Variants in NUBPL observed in about 807,000 individuals in gnomAD.
The protein encoded by NUBPL is NUBP iron-sulfur cluster assembly factor, mitochondrial.
In NUBPL, 31 loss-of-function variants were observed where a neutral mutation model predicts 45.7. The ratio of observed to expected loss-of-function variants is 0.68; its 90% confidence interval spans 0.51 to 0.92. The LOEUF is 0.92. Among genes scored for constraint, NUBPL ranks in the 40% least tolerant of loss-of-function variants. NUBPL has a pLI of 0.00. For missense variants in NUBPL, 401 were observed against 398.7 expected (o/e 1.01, Z -0.05); for synonymous variants, 144 against 140.9 (o/e 1.02, Z -0.15).
intron 6 of NUBPL, among the ~76,000 whole-genome samples, chr14:31,765,158 C>T (rs1217819017): frequency 6.6e-6 from 1 of 152,210 alleles, no homozygotes; most frequent in Non-Finnish European, 1.5e-5. Flanking sequence ...GGTCTGACTT[C>T]TGCTTACTTC....
intron 8 of NUBPL, among the ~76,000 whole-genome samples, chr14:31,831,695 C>T (rs1484915904): frequency 6.6e-6 from 1 of 152,082 alleles, no homozygotes; most frequent in Non-Finnish European, 1.5e-5. Flanking sequence ...AAGTTGTGTT[C>T]AGGATTGTTC....
chr14:31,729,679 A>C (rs1296358078), intron 6 of NUBPL, among the ~76,000 whole-genome samples: 1 of 151,902 alleles, frequency 6.6e-6, no homozygotes, highest in East Asian at 1.9e-4. Context: ...CCATCTTAAC[A>C]CTGTTATTTA....
At chr14:31,821,535 A>G (rs565319959) in intron 7 of NUBPL, among the ~76,000 whole-genome samples, 2 of 152,352 alleles carry the variant, frequency 1.3e-5, no homozygotes, top group Non-Finnish European at 2.9e-5. Context: ...GTCAGGCAAT[A>G]ACAAAGCTGA....
At chr14:31,753,328 G>A (rs1344044817) in intron 6 of NUBPL, among the ~76,000 whole-genome samples, 1 of 152,146 alleles carries the variant, frequency 6.6e-6, no homozygotes, top group African/African-American at 2.4e-5. Flanking sequence ...TGGTGGCACT[G>A]TTGATCAAAG....
At chr14:31,840,694 T>C (rs772537567) in intron 8 of NUBPL, among the ~76,000 whole-genome samples, 11 of 152,102 alleles carry the variant, frequency 7.2e-5, no homozygotes, top group Non-Finnish European at 1.6e-4. Flanking sequence ...ATCTCACTTA[T>C]ATGTGGAATC....
At chr14:31,602,110 A>C (rs966059138) in intron 4 of NUBPL, among the ~76,000 whole-genome samples, 1 of 152,192 alleles carries the variant, frequency 6.6e-6, no homozygotes, top group Non-Finnish European at 1.5e-5. Flanking sequence ...GAAACTGGAA[A>C]TCATCATTCT....
rs142067221 is a variant in NUBPL, at chr14:31,681,844, T to C, written c.513+8270T>C. The stretch of plus-strand genomic sequence containing the variant: ...ACATTGGAAGATCTTCTTAATAACT[T>C]AATGGCATTGATTTCTAGTGTAATT... On this transcript the variant is annotated intron_variant, in intron 6 of 10. Transcript: ENST00000281081. 1.4e-4 allele frequency among the ~76,000 whole-genome samples: 21 copies of C among 152,226 alleles called. No homozygotes were observed. In the East Asian group the frequency reaches 4.1e-3, roughly 29 times the overall value.
chr14:31,798,997 CA>C (rs924948394), intron 7 of NUBPL, among the ~76,000 whole-genome samples: 1 of 151,750 alleles, frequency 6.6e-6, no homozygotes, highest in Non-Finnish European at 1.5e-5. Flanking sequence ...GGAACACTAT[CA>C]AAAAGTTTTT....
chr14:31,703,641 C>T (rs1013612118), intron 6 of NUBPL, among the ~76,000 whole-genome samples: 2 of 152,184 alleles, frequency 1.3e-5, no homozygotes, highest in African/African-American at 4.8e-5. Flanking sequence ...GAGACTTATT[C>T]ACTGTCTTGA....
intron 7 of NUBPL, among the ~76,000 whole-genome samples, chr14:31,800,405 T>C (rs1023075863): frequency 2.0e-5 from 3 of 152,196 alleles, no homozygotes; most frequent in African/African-American, 7.2e-5. Context: ...ACAACAATTA[T>C]AATAGTAACA....
At chr14:31,751,619 T>C (rs1033795946) in intron 6 of NUBPL, among the ~76,000 whole-genome samples, 1 of 152,230 alleles carries the variant, frequency 6.6e-6, no homozygotes, top group Non-Finnish European at 1.5e-5. Flanking sequence ...TGTGGCTGCT[T>C]CCACAAGCTG....
chr14:31,651,946 A>C (rs937482665), intron 4 of NUBPL, among the ~76,000 whole-genome samples: 4 of 152,202 alleles, frequency 2.6e-5, no homozygotes, highest in Middle Eastern at 3.4e-3. Context: ...GGATCTGAAT[A>C]GACATTTCTC....
At chr14:31,640,388 G>C (rs537577873) in intron 4 of NUBPL, among the ~76,000 whole-genome samples, 1 of 152,118 alleles carries the variant, frequency 6.6e-6, no homozygotes, top group South Asian at 2.1e-4. Flanking sequence ...TCACTTGAGG[G>C]CAGGAGTTTG....
chr14:31,615,967 A>G (rs914558466), intron 4 of NUBPL, among the ~76,000 whole-genome samples: 2 of 152,090 alleles, frequency 1.3e-5, no homozygotes, highest in Admixed American at 6.6e-5. Context: ...TCGTTTCTTG[A>G]CTTTTAAATG....
At chr14:31,662,393 G>C (rs2036293581) in intron 4 of NUBPL, among the ~76,000 whole-genome samples, 1 of 151,880 alleles carries the variant, frequency 6.6e-6, no homozygotes. Context: ...GCGGTTTGCT[G>C]CATCTGTCAA....
chr14:31,660,671 A>G (rs913823381), intron 4 of NUBPL, among the ~76,000 whole-genome samples: 13 of 152,194 alleles, frequency 8.5e-5, no homozygotes, highest in Non-Finnish European at 8.8e-5. Flanking sequence ...ATTTTAAGAA[A>G]TGGATTTAAT....
At chr14:31,830,202 T>C (rs1165468710) in intron 8 of NUBPL, among the ~76,000 whole-genome samples, 1 of 152,216 alleles carries the variant, frequency 6.6e-6, no homozygotes, top group Non-Finnish European at 1.5e-5. Context: ...ATTCAACAAA[T>C]GTGATTAATT....
In NUBPL at chr14:31,860,224, AC is replaced by A. The variant is rs2040691109; in HGVS notation, c.*1047del. ...AGGCTGAGGCAGGAGAATCATTTCA[AC>A]CCGGGAGGCTGAGGTTGCAGTGAGT... On this transcript the variant is annotated 3_prime_UTR_variant, in exon 11 of 11. Coordinates refer to ENST00000281081, the MANE Select transcript of NUBPL (RefSeq NM_025152.3). The A allele has an allele frequency of 7.3e-6, 1 of 137,694 alleles. No individual in the cohort carries two copies. The highest frequency in any genetic ancestry group is 2.7e-5 in the African/African-American group (1 of 36,688). 8.5% of individuals were successfully genotyped at this position (137,694 alleles called of 1,614,324 possible). A position where few individuals can be genotyped will look rare whatever the true frequency, so the allele number is the denominator to read the frequency against.
chr14:31,681,047 A>T (rs1238504288), intron 6 of NUBPL, among the ~76,000 whole-genome samples: 1 of 152,078 alleles, frequency 6.6e-6, no homozygotes, highest in Non-Finnish European at 1.5e-5. Flanking sequence ...TTCAAGTGTT[A>T]TATGAGAGTT....
Sources: gnomAD v4.1 joint callset for allele counts (sites outside exome capture counted in the v4.1 genomes callset) on GRCh38, gnomAD v4.1.1 for gene constraint, MANE v1.5 for transcripts, NCBI Gene and HGNC (gene_info 2026-07-23, HGNC 2026-07-21) for gene names.